The following SPINK5 variants were observed in gnomAD, a reference collection of about 807,000 sequenced individuals.
The protein encoded by SPINK5 is serine peptidase inhibitor Kazal type 5.
In SPINK5, 125 loss-of-function variants were observed where a neutral mutation model predicts 151.8. The ratio of observed to expected loss-of-function variants is 0.82; its 90% CI spans 0.71 to 0.96. SPINK5 has a LOEUF of 0.96. Ranked by LOEUF, SPINK5 falls within the 40% of genes least tolerant of loss-of-function variation. The probability of loss-of-function intolerance (pLI) is 0.00; values close to 1 mark genes in which losing one functional copy is unlikely to be tolerated. For missense variants in SPINK5, 1,194 were observed against 1,291.9 expected, an observed-to-expected ratio of 0.92 and a Z score of 1.16; for synonymous variants, 374 against 395.3, an observed-to-expected ratio of 0.95 and a Z score of 0.64.
intron 4 of SPINK5, among the ~76,000 whole-genome samples, chr5:148,084,908 AGTT>A (rs1187126736): frequency 1.3e-5 from 2 of 151,836 alleles, no homozygotes; most frequent in Non-Finnish European, 2.9e-5. Context: ...TATAATTTAT[AGTT>A]GTTGTGCATA....
At chr5:148,091,316 C>G in intron 8 of SPINK5, 88 bp downstream of exon 8, 5 of 1,082,226 alleles carry the variant, frequency 4.6e-6, no homozygotes, top group Non-Finnish European at 7.0e-6. Context: ...GAAATAAAGT[C>G]ATTGTCTTTT....
chr5:148,072,068 T>A, intron 3 of SPINK5, 80 bp from the exon 4 acceptor site: 1 of 1,399,044 alleles, frequency 7.1e-7, no homozygotes, highest in Non-Finnish European at 1.0e-6. Context: ...GCAGTTAAAA[T>A]TAAGTTTACC....
In SPINK5 at chr5:148,094,272, G is replaced by A. The variant is rs116185406; in HGVS notation, c.667-82G>A. 1,962 of 1,500,504 alleles carry A rather than the reference G, an allele frequency of 1.3e-3. 2 individuals carry two copies. Among genetic ancestry groups the A allele is most frequent in the Non-Finnish European group, 1.3e-3 (1,457 of 1,084,642 alleles). 92.9% of individuals were successfully genotyped at this position (1,500,504 alleles called of 1,614,324 possible). On this transcript the variant is annotated intron_variant, in intron 8 of 32. Coordinates refer to ENST00000256084, the MANE Select transcript of SPINK5 (RefSeq NM_006846.4). ...ATCATTCCCCTGCAATCCACCCTGC[G>A]CAATGCAGCAAAATCCTGTCTCAAA...
At position 148,091,019 on chromosome 5, in the gene SPINK5, C is replaced by A. The variant is rs116419684; in HGVS notation, c.603-146C>A. 3.9e-3 allele frequency: 2,620 copies of A among 673,570 alleles called. 50 individuals are homozygous for A. The African/African-American group carries it at 0.041, about 11-fold the overall frequency. 41.7% of individuals were successfully genotyped at this position (673,570 alleles called of 1,614,324 possible). On this transcript the variant is annotated intron_variant, in intron 7 of 32. Transcript: ENST00000256084. ...TCTTTGGCAATTTCTCTGGCTCAGG[C>A]ATTGAAGACGGAAATGCTTGTCTCT...
chr5:148,133,880 C>G lies in SPINK5; in HGVS notation c.3179C>G (p.Pro1060Arg). The G allele has an allele frequency of 6.2e-7, 1 of 1,613,838 alleles. No individual in the cohort carries two copies. The highest frequency in any genetic ancestry group is 8.5e-7 in the Non-Finnish European group (1 of 1,179,896). The part of the protein sequence containing the change: ...STPGTTAASM[P>R]PSDE ...CCAGGAACCACCGCAGCCAGCATGC[C>G]CCCGTCTGTAAGTACATAAGTAGAC... is the stretch of plus-strand genomic sequence containing the variant. The change falls in exon 32 of 33, where the codon CCC becomes CGC. Residue 1060 changes from proline to arginine, a missense_variant. Transcript: ENST00000256084.
At chr5:148,128,809 C>T (rs958193791) in intron 30 of SPINK5, among the ~76,000 whole-genome samples, 1 of 152,196 alleles carries the variant, frequency 6.6e-6, no homozygotes, top group East Asian at 1.9e-4. Flanking sequence ...AGGCGTGAGC[C>T]ACCGCGCCCG....
chr5:148,099,019 G>A (rs900470816), intron 11 of SPINK5, among the ~76,000 whole-genome samples: 2 of 152,000 alleles, frequency 1.3e-5, no homozygotes, highest in African/African-American at 4.8e-5. Context: ...ATCCACTATT[G>A]CCGTCTTTCT....
chr5:148,097,718 G>T (rs910719296), intron 10 of SPINK5, 149 bp from the exon 11 acceptor site: 1 of 677,810 alleles, frequency 1.5e-6, no homozygotes, highest in Non-Finnish European at 2.4e-6. Context: ...ATATTACAAG[G>T]AGAGAAATAT....
intron 13 of SPINK5, among the ~76,000 whole-genome samples, chr5:148,101,083 G>A (rs983013593): frequency 6.7e-6 from 1 of 148,440 alleles, no homozygotes; most frequent in Admixed American, 6.9e-5. Flanking sequence ...AACCACCTCT[G>A]GACTAGGGTT....
In SPINK5 at chr5:148,101,305, G is replaced by A. The variant is rs2303066; in HGVS notation, c.1221-50G>A. ...AATTATATTTGAGATCACTTCTAAT[G>A]TGGCGATTCTATGATTTTTACTTAT... On this transcript the variant is annotated intron_variant, in intron 13 of 32. Transcript: ENST00000256084. The A allele has an allele frequency of 0.49, 627,752 of 1,289,500 alleles. 157,267 individuals are homozygous for A. The highest frequency in any genetic ancestry group is 0.66 in the Admixed American group (38,538 of 58,652). 79.9% of individuals were successfully genotyped at this position (1,289,500 alleles called of 1,614,324 possible).
At chr5:148,116,522 G>T in intron 22 of SPINK5, 56 bp downstream of exon 22, 1 of 1,511,714 alleles carries the variant, frequency 6.6e-7, no homozygotes, top group Non-Finnish European at 9.2e-7. Context: ...TTGACAATAG[G>T]ACTGTGAATA....
chr5:148,125,155 T>C (rs1261006376), intron 28 of SPINK5, among the ~76,000 whole-genome samples: 1 of 152,210 alleles, frequency 6.6e-6, no homozygotes, highest in Non-Finnish European at 1.5e-5. Flanking sequence ...TTTGACACTT[T>C]AAGTGTGAAA....
chr5:148,099,587 A>T (rs1753580136), intron 12 of SPINK5, among the ~76,000 whole-genome samples: 1 of 152,002 alleles, frequency 6.6e-6, no homozygotes, highest in Admixed American at 6.6e-5. Flanking sequence ...AGCTTTTGCT[A>T]ACTACTTTCC....
At chr5:148,074,820 T>C (rs1752837711) in intron 4 of SPINK5, among the ~76,000 whole-genome samples, 1 of 151,786 alleles carries the variant, frequency 6.6e-6, no homozygotes, top group African/African-American at 2.4e-5. Flanking sequence ...ATCTACTTTA[T>C]AAAATTTACA....
At chr5:148,085,496 T>C (rs1753129242) in intron 4 of SPINK5, among the ~76,000 whole-genome samples, 2 of 151,976 alleles carry the variant, frequency 1.3e-5, no homozygotes, top group Admixed American at 6.6e-5. Context: ...TAATGTTTCA[T>C]AAGAATTCAC....
intron 18 of SPINK5, among the ~76,000 whole-genome samples, 155 bp downstream of exon 18, chr5:148,108,992 C>A (rs565975408): frequency 1.3e-5 from 2 of 152,134 alleles, no homozygotes; most frequent in South Asian, 4.1e-4. Context: ...ACTCCCCTTT[C>A]CTTATTCAAT....
rs66488719 is a variant in SPINK5 at position 148,099,495 on chromosome 5, ACT to A, written c.1092+183_1092+184del. ...ATCCATTCTTGCTGATTAAAAACTA[ACT>A]CTGCAAAAAAAAAAAAAAAAAATTG... is the stretch of plus-strand genomic sequence containing the variant. On this transcript the variant is annotated intron_variant, in intron 12 of 32. Transcript: ENST00000256084. Among the ~76,000 whole-genome samples the A allele has an allele frequency of 0.51, 67,422 of 131,024 alleles. 16,437 individuals carry two copies. Among genetic ancestry groups the A allele is most frequent in the Admixed American group, 0.61 (8,814 of 14,438 alleles). The allele number at this position is 131,024 out of a possible 152,430, so 86.0% of individuals were successfully genotyped here.
intron 21 of SPINK5, among the ~76,000 whole-genome samples, chr5:148,116,130 T>C (rs1754081869): frequency 1.3e-5 from 2 of 152,158 alleles, no homozygotes; most frequent in Admixed American, 1.3e-4. Context: ...TTTACTCACC[T>C]TGTCTTGTTT....
Position 148,131,312 on chromosome 5 carries a change from T to A in SPINK5, c.3018T>A (p.Cys1006Ter), listed in dbSNP as rs766978225. The change falls in exon 31 of 33, where the codon TGT (cysteine) becomes TGA (stop). Residue 1006 changes from cysteine (C) to a stop codon, truncating the protein, a stop_gained. Transcript: ENST00000256084. LOFTEE classifies it high-confidence loss of function. ...YRVLPRIGYLCPKDLKPVCGD... is the reference protein window; with the variant it reads ...YRVLPRIGYL ...TATTGCCCAGGATAGGTTATCTTTG[T>A]CCAAAGGATTTAAAGCCTGTCTGTG... 25 of 1,613,810 alleles carry A rather than the reference T, an allele frequency of 1.5e-5. No homozygotes were observed. Among genetic ancestry groups the A allele is most frequent in the Admixed American group, 3.3e-5 (2 of 59,998 alleles).
Sources: gnomAD v4.1 joint callset for allele counts (sites outside exome capture counted in the v4.1 genomes callset) on GRCh38, gnomAD v4.1.1 for gene constraint, MANE v1.5 for transcripts, NCBI Gene and HGNC (gene_info 2026-07-23, HGNC 2026-07-21) for gene names.